MORN1: variants seen among roughly 807,000 people sequenced by gnomAD.
The protein encoded by MORN1 is MORN repeat containing 1, also known as MORN repeat-containing protein 1.
MORN1 carries 67 observed loss-of-function variants against 61.9 expected under a neutral mutation model. The ratio of observed to expected loss-of-function variants is 1.08; its 90% CI spans 0.89 to 1.33. The LOEUF (loss-of-function observed/expected upper bound fraction) is 1.33, where lower values mean the gene tolerates loss of function less well. Among genes scored for constraint, MORN1 ranks in the 40% most tolerant of loss-of-function variants. MORN1 has a pLI of 0.00. For missense variants in MORN1, 752 were observed against 691.2 expected (o/e 1.09, Z -0.99); for synonymous variants, 301 against 292.0 (o/e 1.03, Z -0.31).
At chr1:2,390,615 A>T in intron 1 of MORN1, 1 of 985,358 alleles carries the variant, frequency 1.0e-6, no homozygotes, top group Non-Finnish European at 1.2e-6. Context: ...GTCGGGGAGG[A>T]GGGCAGGGGG....
At chr1:2,327,849 C>T (rs529747697) in intron 12 of MORN1, among the ~76,000 whole-genome samples, 249 of 152,394 alleles carry the variant, frequency 1.6e-3, no homozygotes, top group Admixed American at 2.9e-3. Flanking sequence ...GGGTGAGGGC[C>T]GCTTTCCCAA....
intron 6 of MORN1, among the ~76,000 whole-genome samples, chr1:2,380,787 C>T (rs897045874): frequency 6.6e-6 from 1 of 152,204 alleles, no homozygotes; most frequent in Admixed American, 6.5e-5. Flanking sequence ...AACTCCTGGG[C>T]TCAAGCAGTC....
chr1:2,343,962 G>A (rs913222570), intron 10 of MORN1, among the ~76,000 whole-genome samples: 1 of 151,750 alleles, frequency 6.6e-6, no homozygotes, highest in Non-Finnish European at 1.5e-5. Context: ...TGACTGAGGC[G>A]GGACTGGGCC....
intron 8 of MORN1, chr1:2,371,032 C>T (rs2453567): frequency 0.56 from 84,120 of 151,418 alleles, 23,789 homozygotes; most frequent in East Asian, 0.81. Flanking sequence ...GGTGAAACCC[C>T]GTCTCTACTA....
chr1:2,353,416 C>T (rs1641692719), intron 10 of MORN1, among the ~76,000 whole-genome samples: 2 of 152,150 alleles, frequency 1.3e-5, no homozygotes, highest in South Asian at 4.2e-4. Context: ...TGGAACTGGC[C>T]CACCCTTCCA....
intron 8 of MORN1, among the ~76,000 whole-genome samples, chr1:2,369,979 T>C (rs902154056): frequency 1.3e-5 from 2 of 152,210 alleles, no homozygotes; most frequent in African/African-American, 4.8e-5. Context: ...GTTGCAGAAG[T>C]TGGCAAACTG....
At position 2,384,609 on chromosome 1, in the gene MORN1, G is replaced by A. The variant is rs533310242; in HGVS notation, c.537+369C>T. ...CGAGGCGCAGAGGCTCCCATCGGTG[G>A]AGAAGGCCCCGCCTCAGCTGCGCCA... is the stretch of plus-strand genomic sequence containing the variant. On this transcript the variant is annotated intron_variant, in intron 6 of 13. Coordinates refer to ENST00000378531, the MANE Select transcript of MORN1 (RefSeq NM_024848.3). Among the ~76,000 whole-genome samples, 4 of 152,320 alleles carry A rather than the reference G, an allele frequency of 2.6e-5. No homozygotes were observed. In the South Asian group the frequency reaches 8.3e-4, roughly 32 times the overall value.
In MORN1 at chr1:2,385,808, G is replaced by C. The variant is rs746040550; in HGVS notation, c.448C>G (p.Gln150Glu). 6 of 1,613,564 alleles carry C rather than the reference G, an allele frequency of 3.7e-6. No individual in the cohort carries two copies. The highest frequency in any genetic ancestry group is 4.5e-5 in the East Asian group (2 of 44,880). The change falls in exon 5 of 14, where the codon CAG becomes GAG. Residue 150 changes from glutamine to glutamate, a missense_variant and splice_region_variant. Physicochemically the swap from Gln to Glu is conservative, Grantham distance 29. Coordinates refer to ENST00000378531, the MANE Select transcript of MORN1 (RefSeq NM_024848.3). The stretch of plus-strand genomic sequence containing the variant: ...AGTACCCACAAGACTCATACTCACT[G>C]AAAGAGCATCTGCCCAGGGCCGTGC... ...KRHGPGQMLF[Q>E]NGDKYDGDWV...
chr1:2,367,215 A>T lies in MORN1; in HGVS notation c.745+5266T>A, dbSNP rs114357400. On this transcript the variant is annotated intron_variant, in intron 8 of 13. Coordinates refer to ENST00000378531, the MANE Select transcript of MORN1 (RefSeq NM_024848.3). ...AGACAAAGACATTACAAGAAAAGAA[A>T]ATTTCATGCCAATATCCTTCACGAA... is the stretch of plus-strand genomic sequence containing the variant. Among the ~76,000 whole-genome samples, 1,438 of 152,070 alleles carry T rather than the reference A, an allele frequency of 9.5e-3. 16 individuals are homozygous for T. The highest frequency in any genetic ancestry group is 0.033 in the African/African-American group (1,364 of 41,470).
intron 8 of MORN1, among the ~76,000 whole-genome samples, chr1:2,364,453 G>A (rs2100321064): frequency 7.3e-6 from 1 of 137,002 alleles, no homozygotes; most frequent in East Asian, 2.3e-4. Flanking sequence ...GTAGATTCTG[G>A]ATATTAGCCC....
intron 8 of MORN1, among the ~76,000 whole-genome samples, chr1:2,367,946 TAAAAGAAAACACAGGAGTAAATCTCCATG>T (rs1642032411): frequency 6.6e-6 from 1 of 152,122 alleles, no homozygotes; most frequent in East Asian, 1.9e-4. Flanking sequence ...ATAAAATTCT[TAAAAGAAAACACAGGAGTAAATCTCCATG>T]ACTCCAGACT....
At chr1:2,388,011 G>C in intron 3 of MORN1, 1 of 528,000 alleles carries the variant, frequency 1.9e-6, no homozygotes, top group Non-Finnish European at 3.4e-6. Context: ...GTGTAACTTG[G>C]GACAGATAAA....
chr1:2,349,338 G>A (rs1047351671), intron 10 of MORN1, among the ~76,000 whole-genome samples: 2 of 152,224 alleles, frequency 1.3e-5, no homozygotes, highest in East Asian at 1.9e-4. Flanking sequence ...CCCGCCTGCC[G>A]ACCAAAGAGC....
At chr1:2,325,084 T>G (rs1317496237) in intron 12 of MORN1, among the ~76,000 whole-genome samples, 1 of 128,896 alleles carries the variant, frequency 7.8e-6, no homozygotes, top group Non-Finnish European at 1.7e-5. Context: ...AAATACATCT[T>G]ACTTTCTTCT....
intron 10 of MORN1, among the ~76,000 whole-genome samples, chr1:2,353,090 ACGGGG>A (rs1481913840): frequency 1.3e-5 from 2 of 152,212 alleles, no homozygotes; most frequent in African/African-American, 4.8e-5. Context: ...AGAGGCTTCA[ACGGGG>A]CCCACCTCTT....
At chr1:2,360,062 C>T (rs1299010506) in intron 8 of MORN1, among the ~76,000 whole-genome samples, 9 of 152,106 alleles carry the variant, frequency 5.9e-5, no homozygotes, top group East Asian at 1.9e-4. Context: ...GTGGAGGGGT[C>T]GCCTCAGAGC....
chr1:2,375,962 T>C (rs1294137852), intron 6 of MORN1: 1 of 152,418 alleles, frequency 6.6e-6, no homozygotes, highest in East Asian at 1.9e-4. Flanking sequence ...GCAAGCACCA[T>C]CCACACTGGC....
chr1:2,351,228 C>G (rs1641639020), intron 10 of MORN1: 1 of 152,608 alleles, frequency 6.6e-6, no homozygotes, highest in Non-Finnish European at 1.5e-5. Context: ...CCCACACTCC[C>G]CACACGCTCA....
At chr1:2,348,785 A>G (rs951170549) in intron 10 of MORN1, among the ~76,000 whole-genome samples, 1 of 144,858 alleles carries the variant, frequency 6.9e-6, no homozygotes, top group African/African-American at 2.7e-5. Flanking sequence ...ACGCACACAC[A>G]CGCACGCACA....
Sources: allele counts gnomAD v4.1 joint callset (sites outside exome capture counted in the v4.1 genomes callset), GRCh38; gene constraint gnomAD v4.1.1; transcripts MANE v1.5; gene names NCBI Gene and HGNC (gene_info 2026-07-23, HGNC 2026-07-21).